Variants in UBAP2L observed in about 807,000 individuals in gnomAD.
The protein encoded by UBAP2L is ubiquitin-associated protein 2-like.
In UBAP2L, 12 loss-of-function variants were observed where a neutral mutation model predicts 130.6. The ratio of observed to expected loss-of-function variants is 0.09; its 90% confidence interval spans 0.06 to 0.15. The LOEUF is 0.15. Ranked by LOEUF, UBAP2L falls within the 10% of genes least tolerant of loss-of-function variation. The pLI is 1.00. For synonymous variants in UBAP2L, 503 were observed against 524.7 expected (o/e 0.96, Z 0.57); for missense variants, 965 against 1,332.5 (o/e 0.72, Z 4.29).
chr1:154,267,630 ATTTTTGTT>A (rs1162690680), intron 25 of UBAP2L, among the ~76,000 whole-genome samples: 2 of 148,562 alleles, frequency 1.3e-5, no homozygotes, highest in Non-Finnish European at 3.0e-5. Context: ...TAATTTTTGT[ATTTTTGTT>A]TTTTGTTTGT....
rs1327596252 is a variant in UBAP2L, at chr1:154,255,399, C to G, written c.2084+73C>G. The G allele has an allele frequency of 3.2e-6, 5 of 1,557,144 alleles. No homozygotes were observed. In the South Asian group the frequency reaches 4.8e-5, roughly 15 times the overall value. ...AGAGCTCTCTGGTCCTTATTACTCC[C>G]TTGACCTGGCAGAGACCACATTAGC... On this transcript the variant is annotated intron_variant, in intron 17 of 26. Coordinates refer to ENST00000428931, the MANE Select transcript of UBAP2L (RefSeq NM_014847.4).
At chr1:154,236,959 T>A (rs1017609737) in intron 7 of UBAP2L, 65 bp from the exon 8 acceptor site, 1 of 1,240,150 alleles carries the variant, frequency 8.1e-7, no homozygotes, top group African/African-American at 1.5e-5. Context: ...AGATTTTGAT[T>A]CTTTGAGTTA....
intron 8 of UBAP2L, among the ~76,000 whole-genome samples, chr1:154,240,790 A>G (rs1336065785): frequency 6.6e-6 from 1 of 151,572 alleles, no homozygotes; most frequent in Non-Finnish European, 1.5e-5. Flanking sequence ...GACTGCCTAC[A>G]GTATTTTTTG....
At chr1:154,246,091 T>C (rs1242397096) in intron 10 of UBAP2L, 113 bp from the exon 11 acceptor site, 11 of 1,208,332 alleles carry the variant, frequency 9.1e-6, no homozygotes, top group Non-Finnish European at 1.1e-5. Context: ...GTTTGAACCC[T>C]TTTAGAAGAA....
chr1:154,258,629 ATTATTT>A (rs1571916481), intron 20 of UBAP2L: 2 of 163,818 alleles, frequency 1.2e-5, no homozygotes, highest in Non-Finnish European at 2.6e-5. Context: ...TCCAGAGGAG[ATTATTT>A]TTAAGCCAGA....
Position 154,234,694 on chromosome 1 carries a change from G to A in UBAP2L, c.383G>A (p.Arg128Lys), listed in dbSNP as rs1436485893. The A allele has an allele frequency of 2.5e-6, 4 of 1,613,848 alleles. No homozygotes were observed. The highest frequency in any genetic ancestry group is 3.4e-6 in the Non-Finnish European group (4 of 1,179,910). Reference sequence around the variant, plus strand: ...GGCAAAGAAAATCGAGACCGGGACAGAGACTATAGTCGGCGACGTGGTGGG... The same window carrying A: ...GGCAAAGAAAATCGAGACCGGGACAAAGACTATAGTCGGCGACGTGGTGGG... ...EEGKENRDRD[R>K]DYSRRRGGPP... Residue 128 changes from arginine to lysine, a missense_variant, in exon 5 of 27, where the codon AGA becomes AAA. Coordinates refer to ENST00000428931, the MANE Select transcript of UBAP2L (RefSeq NM_014847.4).
At position 154,270,395 on chromosome 1, in the gene UBAP2L, G is replaced by A. The variant is rs540133110; in HGVS notation, c.*100G>A. The A allele has an allele frequency of 3.2e-5, 50 of 1,552,182 alleles. No homozygotes were observed. Among genetic ancestry groups the A allele is most frequent in the South Asian group, 2.2e-4 (19 of 85,076 alleles). ...AGAGAAAGGAATGTGGGGGGTTTCC[G>A]CTGCCCCCCACCCCCAGCGGCCCAC... On this transcript the variant is annotated 3_prime_UTR_variant, in exon 27 of 27. Transcript: ENST00000428931.
At chr1:154,260,078 A>C (rs1367308039) in intron 22 of UBAP2L, 49 bp downstream of exon 22, 2 of 1,574,424 alleles carry the variant, frequency 1.3e-6, no homozygotes, top group South Asian at 2.2e-5. Flanking sequence ...TAGTGTTGGG[A>C]TTGATGGCAG....
At position 154,251,074 on chromosome 1, in the gene UBAP2L, G is replaced by A; in HGVS notation, c.1247G>A (p.Ser416Asn). 1.2e-6 allele frequency: 2 copies of A among 1,613,920 alleles called. No homozygotes were observed. The highest frequency in any genetic ancestry group is 1.7e-6 in the Non-Finnish European group (2 of 1,179,944). ...AACCCAAGTGATTCAGCAGTGCACA[G>A]CCCCTTTACAAAGCGCCAGGCTTTT... is the stretch of plus-strand genomic sequence containing the variant. ...LKNPSDSAVHSPFTKRQAFTP... is the reference protein window; with the variant it reads ...LKNPSDSAVHNPFTKRQAFTP... Residue 416 changes from serine (S) to asparagine (N), a missense_variant, in exon 13 of 27, where the codon AGC becomes AAC. Transcript: ENST00000428931.
intron 10 of UBAP2L, among the ~76,000 whole-genome samples, chr1:154,244,439 G>C (rs1027525371): frequency 4.6e-5 from 7 of 152,004 alleles, no homozygotes; most frequent in African/African-American, 1.7e-4. Context: ...GCAGTGGCGT[G>C]ATCTTGGCTC....
At chr1:154,251,782 A>G (rs1677681928) in intron 14 of UBAP2L, 129 bp downstream of exon 14, 1 of 1,013,280 alleles carries the variant, frequency 9.9e-7, no homozygotes, top group Non-Finnish European at 1.4e-6. Context: ...AGTCAGTCAT[A>G]GCATTTTTAG....
chr1:154,236,963 T>C lies in UBAP2L; in HGVS notation c.591-61T>C, dbSNP rs908653801. ...GGATGCAGTCAAGATTTTGATTCTTTGAGTTAATATTTGCCAAAGCTGCTT... is the reference window on the plus strand; with the variant it reads ...GGATGCAGTCAAGATTTTGATTCTTCGAGTTAATATTTGCCAAAGCTGCTT... On this transcript the variant is annotated intron_variant, in intron 7 of 26. Transcript: ENST00000428931. 9 of 1,278,728 alleles carry C rather than the reference T, an allele frequency of 7.0e-6. No individual in the cohort carries two copies. In the African/African-American group the frequency reaches 1.3e-4, roughly 19 times the overall value. The allele number at this position is 1,278,728 out of a possible 1,614,324, so 79.2% of individuals were successfully genotyped here. A position where few individuals can be genotyped will look rare whatever the true frequency, so the allele number is the denominator to read the frequency against.
chr1:154,249,175 C>A, intron 11 of UBAP2L, 64 bp from the exon 12 acceptor site: 1 of 1,541,832 alleles, frequency 6.5e-7, no homozygotes, highest in Non-Finnish European at 9.0e-7. Context: ...GGATAAGTGT[C>A]TTTATGAGTA....
At chr1:154,237,165 G>C (rs775648226) in intron 8 of UBAP2L, 29 bp downstream of exon 8, 1 of 1,577,330 alleles carries the variant, frequency 6.3e-7, no homozygotes, top group South Asian at 1.1e-5. Context: ...TTCATTTCTT[G>C]TCTCTGGGAA....
chr1:154,237,417 T>G (rs1324800691), intron 8 of UBAP2L, among the ~76,000 whole-genome samples: 1 of 152,220 alleles, frequency 6.6e-6, no homozygotes, highest in African/African-American at 2.4e-5. Flanking sequence ...AGGTTATAAA[T>G]TTGCTAGTAT....
intron 24 of UBAP2L, chr1:154,263,021 C>G: frequency 7.4e-7 from 1 of 1,342,374 alleles, no homozygotes. Context: ...TTATATCAGC[C>G]CTTGAGAACC....
chr1:154,223,239 A>C (rs1340486191), intron 1 of UBAP2L, among the ~76,000 whole-genome samples: 1 of 152,180 alleles, frequency 6.6e-6, no homozygotes, highest in Non-Finnish European at 1.5e-5. Context: ...TGACTTTTTA[A>C]TATGTTTACA....
intron 8 of UBAP2L, among the ~76,000 whole-genome samples, chr1:154,240,024 A>C (rs574660362): frequency 1.3e-5 from 2 of 152,348 alleles, no homozygotes; most frequent in East Asian, 3.9e-4. Flanking sequence ...TGTTTAGAAG[A>C]ATTTTAGATG....
chr1:154,248,740 T>C (rs7533952), intron 11 of UBAP2L, among the ~76,000 whole-genome samples: 98,768 of 151,600 alleles, frequency 0.65, 33,204 homozygotes, highest in East Asian at 0.96. Context: ...GGTGTGAACC[T>C]GGGAGGCGGA....
Sources: gnomAD v4.1 joint callset for allele counts (sites outside exome capture counted in the v4.1 genomes callset) on GRCh38, gnomAD v4.1.1 for gene constraint, MANE v1.5 for transcripts, NCBI Gene and HGNC (gene_info 2026-07-23, HGNC 2026-07-21) for gene names.